PRELID2: variants seen among roughly 807,000 people sequenced by gnomAD.
PRELID2 encodes the protein PRELI domain containing 2, also known as PRELI domain-containing protein 2.
In PRELID2, 25 loss-of-function variants were observed where a neutral mutation model predicts 28.4. The observed-to-expected ratio is 0.88, with a 90% CI of 0.64 to 1.23. The LOEUF is 1.23. Ranked by LOEUF, PRELID2 falls within the 50% of genes most tolerant of loss-of-function variation. The probability of loss-of-function intolerance (pLI) is 0.00; values close to 1 mark genes in which losing one functional copy is unlikely to be tolerated. For synonymous variants in PRELID2, 76 were observed against 71.6 expected, an observed-to-expected ratio of 1.06 and a Z score of -0.31; for missense variants, 201 against 214.4, an observed-to-expected ratio of 0.94 and a Z score of 0.39.
chr5:145,418,923 C>T, the PRELID2 span, among the ~76,000 whole-genome samples: 2 of 147,310 alleles, frequency 1.4e-5, no homozygotes, highest in African/African-American at 5.1e-5. Context: ...TATTCCCCTT[C>T]CTGTGTCCAT....
chr5:145,330,064 A>G, the PRELID2 span, among the ~76,000 whole-genome samples: 6 of 152,120 alleles, frequency 3.9e-5, no homozygotes, highest in Non-Finnish European at 8.8e-5. Context: ...TGTTTACATG[A>G]TGGATTATGT....
rs144516298 is a variant in PRELID2 at position 145,747,279 on chromosome 5, A to C, written n.70+17652T>G. Reference sequence around the variant, plus strand: ...TTAAAAAAAAAAAAATTAACAAAATAGCAGCTAGACTAATAAAGAAAAGAG... The same window carrying C: ...TTAAAAAAAAAAAAATTAACAAAATCGCAGCTAGACTAATAAAGAAAAGAG... On this transcript the variant is annotated intron_variant and non_coding_transcript_variant, in intron 1 of 2. Transcript: ENST00000510259. Among the ~76,000 whole-genome samples, 176 of 151,740 alleles carry C rather than the reference A, an allele frequency of 1.2e-3. 1 individual carries two copies. Among genetic ancestry groups the C allele is most frequent in the African/African-American group, 3.9e-3 (162 of 41,478 alleles).
At chr5:145,349,019 G>A in the PRELID2 span, among the ~76,000 whole-genome samples, 2 of 151,916 alleles carry the variant, frequency 1.3e-5, no homozygotes, top group Non-Finnish European at 2.9e-5. Flanking sequence ...GTAAATCTGG[G>A]TGCACATAAT....
intron 1 of PRELID2, among the ~76,000 whole-genome samples, chr5:145,722,268 G>T (rs1345367860): frequency 1.3e-5 from 2 of 152,104 alleles, no homozygotes; most frequent in African/African-American, 4.8e-5. Flanking sequence ...TAAGGAATAT[G>T]ATAATTCAAA....
At chr5:145,772,482 A>C (rs995468784) in intron 5 of PRELID2, among the ~76,000 whole-genome samples, 3 of 152,228 alleles carry the variant, frequency 2.0e-5, no homozygotes, top group Non-Finnish European at 4.4e-5. Context: ...GAGGCTGGGA[A>C]GTCTAAGATT....
chr5:145,752,380 C>A (rs745386900), downstream of PRELID2, among the ~76,000 whole-genome samples: 14 of 152,178 alleles, frequency 9.2e-5, no homozygotes, highest in Non-Finnish European at 1.9e-4. Flanking sequence ...CTGTTTAATG[C>A]AATCGGAAAC....
chr5:145,660,549 G>C (rs1754473352), intron 1 of PRELID2, among the ~76,000 whole-genome samples: 1 of 152,196 alleles, frequency 6.6e-6, no homozygotes, highest in Non-Finnish European at 1.5e-5. Context: ...GGCTCCAGCA[G>C]TAACAGCAGT....
At chr5:145,675,797 C>T (rs1054556266) in intron 1 of PRELID2, among the ~76,000 whole-genome samples, 1 of 152,130 alleles carries the variant, frequency 6.6e-6, no homozygotes, top group Non-Finnish European at 1.5e-5. Flanking sequence ...TTGCTGAACT[C>T]GGCTATGAAC....
intron 1 of PRELID2, among the ~76,000 whole-genome samples, chr5:145,714,089 C>A (rs1755778910): frequency 6.6e-6 from 1 of 151,992 alleles, no homozygotes; most frequent in South Asian, 2.1e-4. Context: ...CACCTGTAAA[C>A]AATAAACCTT....
At chr5:145,556,524 G>A (rs1056051797) in intron 1 of PRELID2, among the ~76,000 whole-genome samples, 1 of 152,088 alleles carries the variant, frequency 6.6e-6, no homozygotes, top group Non-Finnish European at 1.5e-5. Context: ...CCCTGCCTCA[G>A]GCACATTCTG....
the PRELID2 span, among the ~76,000 whole-genome samples, chr5:145,447,495 A>C: frequency 7.2e-6 from 1 of 139,300 alleles, no homozygotes; most frequent in South Asian, 2.3e-4. Flanking sequence ...TTATACTTTA[A>C]GTTTTAGGGT....
At chr5:145,500,796 G>A (rs1752353148) in intron 1 of PRELID2, among the ~76,000 whole-genome samples, 1 of 152,168 alleles carries the variant, frequency 6.6e-6, no homozygotes, top group South Asian at 2.1e-4. Context: ...TTGTAGCTAG[G>A]ACAGCTATCA....
At chr5:145,528,563 T>C (rs191564743) in intron 1 of PRELID2, among the ~76,000 whole-genome samples, 2 of 152,110 alleles carry the variant, frequency 1.3e-5, no homozygotes, top group Admixed American at 1.3e-4. Flanking sequence ...TCTCAAGTTT[T>C]TATCACAGTG....
At chr5:145,276,251 T>C in the PRELID2 span, among the ~76,000 whole-genome samples, 3 of 152,168 alleles carry the variant, frequency 2.0e-5, no homozygotes, top group African/African-American at 7.2e-5. Flanking sequence ...GCATTGGTTC[T>C]AAGTACCGCT....
chr5:145,745,309 CT>C (rs1302706575), intron 1 of PRELID2, among the ~76,000 whole-genome samples: 1 of 152,102 alleles, frequency 6.6e-6, no homozygotes, highest in Non-Finnish European at 1.5e-5. Flanking sequence ...TCCAGGAGAC[CT>C]TCCCCAACCT....
chr5:145,403,300 G>A, the PRELID2 span, among the ~76,000 whole-genome samples: 2 of 152,200 alleles, frequency 1.3e-5, no homozygotes, highest in Admixed American at 6.5e-5. Flanking sequence ...CACTTTGGGA[G>A]ACTGAGGTGG....
chr5:145,765,389 T>C (rs1258884103), intron 5 of PRELID2, among the ~76,000 whole-genome samples: 2 of 152,162 alleles, frequency 1.3e-5, no homozygotes, highest in Non-Finnish European at 2.9e-5. Context: ...GTGCATTACC[T>C]GGGGGTAGCG....
At chr5:145,588,595 G>A (rs921223505) in intron 1 of PRELID2, among the ~76,000 whole-genome samples, 1 of 152,078 alleles carries the variant, frequency 6.6e-6, no homozygotes, top group Non-Finnish European at 1.5e-5. Flanking sequence ...CAATAAGGTG[G>A]CATTAAGATA....
chr5:145,229,577 C>G, the PRELID2 span: 198 of 1,471,970 alleles, frequency 1.3e-4, 1 homozygote, highest in South Asian at 2.2e-3. Flanking sequence ...CTTCATGTAC[C>G]TGAACGAAGT....
Sources: allele counts gnomAD v4.1 joint callset (sites outside exome capture counted in the v4.1 genomes callset), GRCh38; gene constraint gnomAD v4.1.1; transcripts MANE v1.5; gene names NCBI Gene and HGNC (gene_info 2026-07-23, HGNC 2026-07-21).